Variants in GPC6 observed in about 807,000 individuals in gnomAD.
GPC6 encodes glypican 6.
GPC6 carries 14 observed loss-of-function variants against 55.2 expected under a neutral mutation model. The observed-to-expected ratio is 0.25, with a 90% CI of 0.17 to 0.40. The LOEUF (loss-of-function observed/expected upper bound fraction) is 0.40, where lower values mean the gene tolerates loss of function less well. Among genes scored for constraint, GPC6 ranks in the 10% least tolerant of loss-of-function variants. GPC6 has a pLI of 1.00. For synonymous variants in GPC6, 278 were observed against 259.6 expected (o/e 1.07, Z -0.68); for missense variants, 641 against 708.5 (o/e 0.90, Z 1.08).
intron 2 of GPC6, among the ~76,000 whole-genome samples, chr13:93,748,096 C>A (rs1415971727): frequency 1.3e-5 from 2 of 152,184 alleles, no homozygotes; most frequent in African/African-American, 2.4e-5. Context: ...GTATGATAAT[C>A]TGCTTTAATC....
chr13:94,123,403 A>G (rs1886702411), intron 4 of GPC6, among the ~76,000 whole-genome samples: 1 of 152,102 alleles, frequency 6.6e-6, no homozygotes. Flanking sequence ...GTTAATATAT[A>G]TTTTAATCCT....
At chr13:94,158,907 CTTAT>C (rs1354653544) in intron 4 of GPC6, among the ~76,000 whole-genome samples, 2 of 151,870 alleles carry the variant, frequency 1.3e-5, no homozygotes, top group Non-Finnish European at 2.9e-5. Flanking sequence ...TAAGATGCGT[CTTAT>C]CTTTACCACT....
At chr13:93,749,218 A>T (rs1439935240) in intron 2 of GPC6, among the ~76,000 whole-genome samples, 1 of 151,746 alleles carries the variant, frequency 6.6e-6, no homozygotes, top group Non-Finnish European at 1.5e-5. Flanking sequence ...TTTAACTTTG[A>T]TTGTTTTAAC....
At chr13:94,217,323 A>G (rs942224269) in intron 4 of GPC6, among the ~76,000 whole-genome samples, 1 of 152,194 alleles carries the variant, frequency 6.6e-6, no homozygotes, top group African/African-American at 2.4e-5. Context: ...TTCAAAACTT[A>G]TACCTCTTTC....
intron 4 of GPC6, among the ~76,000 whole-genome samples, chr13:94,207,189 G>A (rs1889930500): frequency 6.6e-6 from 1 of 152,066 alleles, no homozygotes; most frequent in South Asian, 2.1e-4. Flanking sequence ...GCTTACCCAT[G>A]TGGCCCTGTC....
At chr13:93,750,629 G>A (rs534546598) in intron 2 of GPC6, among the ~76,000 whole-genome samples, 6 of 152,272 alleles carry the variant, frequency 3.9e-5, no homozygotes, top group African/African-American at 9.6e-5. Flanking sequence ...TATAGCCCAC[G>A]TGTTCTCCGT....
At chr13:93,639,236 C>A (rs1879815403) in intron 2 of GPC6, among the ~76,000 whole-genome samples, 1 of 152,046 alleles carries the variant, frequency 6.6e-6, no homozygotes, top group Middle Eastern at 3.2e-3. Flanking sequence ...TCACTGGAGC[C>A]CACAGTATCC....
At chr13:93,653,575 CGTGTGTGTGTGTGTGT>C (rs55845007) in intron 2 of GPC6, among the ~76,000 whole-genome samples, 3 of 145,650 alleles carry the variant, frequency 2.1e-5, no homozygotes, top group South Asian at 2.2e-4. Flanking sequence ...AGTATATGGC[CGTGTGTGTGTGTGTGT>C]GTGTGTGTGT....
chr13:94,343,540 G>C (rs1180090064), intron 6 of GPC6, among the ~76,000 whole-genome samples: 2 of 152,080 alleles, frequency 1.3e-5, no homozygotes, highest in African/African-American at 4.8e-5. Flanking sequence ...CCAAAACTGG[G>C]AATAAGAAAA....
intron 4 of GPC6, among the ~76,000 whole-genome samples, chr13:94,087,503 A>G (rs2138806612): frequency 6.6e-6 from 1 of 152,346 alleles, no homozygotes; most frequent in East Asian, 1.9e-4. Context: ...AAGGAATACA[A>G]ACTGATGTTT....
rs9561490 is a variant in GPC6 at position 94,043,790 on chromosome 13, C to G, written c.877+15896C>G. Among the ~76,000 whole-genome samples, 9 of 151,602 alleles carry G rather than the reference C, an allele frequency of 5.9e-5. No homozygotes were observed. In the East Asian group the frequency reaches 1.8e-3, roughly 30 times the overall value. Reference sequence around the variant, plus strand: ...CTCCTTTAAGAAATATATTGACCAGCGAGAGCACAGTATTTCTGTAGAGTT... The same window carrying G: ...CTCCTTTAAGAAATATATTGACCAGGGAGAGCACAGTATTTCTGTAGAGTT... On this transcript the variant is annotated intron_variant, in intron 4 of 8. Transcript: ENST00000377047.
intron 4 of GPC6, among the ~76,000 whole-genome samples, chr13:94,125,795 C>T (rs1017902161): frequency 5.9e-5 from 9 of 151,788 alleles, no homozygotes; most frequent in Non-Finnish European, 1.2e-4. Context: ...GCTGTGTACC[C>T]ACCAATCCTT....
At chr13:93,459,569 A>G (rs1878603411) in intron 1 of GPC6, among the ~76,000 whole-genome samples, 1 of 152,166 alleles carries the variant, frequency 6.6e-6, no homozygotes, top group Non-Finnish European at 1.5e-5. Context: ...ATCTCCATGC[A>G]CTAGTGGTTT....
chr13:93,453,912 C>T (rs1878328996), intron 1 of GPC6, among the ~76,000 whole-genome samples: 1 of 152,134 alleles, frequency 6.6e-6, no homozygotes, highest in Non-Finnish European at 1.5e-5. Flanking sequence ...CTGCTGGCTC[C>T]CGCAGCCTGC....
At chr13:93,597,582 TG>T (rs1364853384) in intron 2 of GPC6, among the ~76,000 whole-genome samples, 1 of 152,178 alleles carries the variant, frequency 6.6e-6, no homozygotes, top group Non-Finnish European at 1.5e-5. Flanking sequence ...CTTCCACCTC[TG>T]CCACCTGTAA....
At chr13:93,882,576 T>A (rs943445235) in intron 3 of GPC6, among the ~76,000 whole-genome samples, 6 of 152,154 alleles carry the variant, frequency 3.9e-5, no homozygotes, top group Non-Finnish European at 7.4e-5. Context: ...GATTTTTTTT[T>A]AATTTGTATA....
intron 4 of GPC6, among the ~76,000 whole-genome samples, chr13:94,124,488 A>G (rs1231921427): frequency 2.6e-5 from 4 of 152,146 alleles, no homozygotes; most frequent in Non-Finnish European, 5.9e-5. Flanking sequence ...AAATCAGAGA[A>G]GACTTTATGG....
intron 4 of GPC6, among the ~76,000 whole-genome samples, chr13:94,176,377 C>T (rs1467215184): frequency 1.3e-5 from 2 of 152,042 alleles, no homozygotes; most frequent in Admixed American, 6.6e-5. Flanking sequence ...ATCAGGTTCT[C>T]GAAGGAACAG....
rs1566536747 is a variant in GPC6 at position 93,789,610 on chromosome 13, T to TATATATAATACTAC, written c.320-40537_320-40536insATACTACATATATA. Among the ~76,000 whole-genome samples, 191 of 27,692 alleles carry TATATATAATACTAC rather than the reference T, an allele frequency of 6.9e-3. 5 individuals carry two copies. The highest frequency in any genetic ancestry group is 9.7e-3 in the Non-Finnish European group (155 of 15,950). 18.2% of individuals were successfully genotyped at this position (27,692 alleles called of 152,430 possible). On this transcript the variant is annotated intron_variant, in intron 2 of 8. Coordinates refer to ENST00000377047, the MANE Select transcript of GPC6 (RefSeq NM_005708.5). Reference sequence around the variant, plus strand: ...ATATATAATACTACATATATATATATATATATATATATATATATATATATA... The same window carrying TATATATAATACTAC: ...ATATATAATACTACATATATATATATATATATAATACTACATATATATATATATATATATATATA...
Sources: allele counts gnomAD v4.1 joint callset (sites outside exome capture counted in the v4.1 genomes callset), GRCh38; gene constraint gnomAD v4.1.1; transcripts MANE v1.5; gene names NCBI Gene and HGNC (gene_info 2026-07-23, HGNC 2026-07-21).